The following DLGAP1 variants were observed in gnomAD, a reference collection of about 807,000 sequenced individuals.
DLGAP1 encodes disks large-associated protein 1.
A neutral mutation model predicts 90.8 loss-of-function variants in DLGAP1; 11 were observed. The observed-to-expected ratio is 0.12, with a 90% CI of 0.08 to 0.20. The LOEUF is 0.20. DLGAP1 is among the 10% of genes least tolerant of loss of function. The pLI is 1.00. For missense variants in DLGAP1, 1,050 were observed against 1,333.8 expected (o/e 0.79, Z 3.31); for synonymous variants, 558 against 540.7 (o/e 1.03, Z -0.44).
chr18:4,165,935 T>C (rs76951854), intron 1 of DLGAP1, among the ~76,000 whole-genome samples: 102 of 152,260 alleles, frequency 6.7e-4, no homozygotes, highest in African/African-American at 2.4e-3. Flanking sequence ...GGTGAGAGGA[T>C]GGCTTGAGGA....
At chr18:3,773,765 C>T (rs1410559608) in intron 5 of DLGAP1, among the ~76,000 whole-genome samples, 1 of 152,124 alleles carries the variant, frequency 6.6e-6, no homozygotes, top group Non-Finnish European at 1.5e-5. Context: ...TCACTGTGTT[C>T]TGGGAGCACG....
At chr18:4,009,514 T>A (rs2074376013) in intron 2 of DLGAP1, among the ~76,000 whole-genome samples, 1 of 152,202 alleles carries the variant, frequency 6.6e-6, no homozygotes, top group African/African-American at 2.4e-5. Flanking sequence ...TCCTAGATAC[T>A]GGAGATAGAG....
intron 2 of DLGAP1, among the ~76,000 whole-genome samples, chr18:4,009,005 G>A (rs965027197): frequency 4.6e-5 from 7 of 152,258 alleles, no homozygotes; most frequent in African/African-American, 1.7e-4. Flanking sequence ...CCGGGTTCAC[G>A]CCGTTCTCCT....
chr18:4,271,591 C>A (rs1023519991), intron 1 of DLGAP1, among the ~76,000 whole-genome samples: 2 of 152,076 alleles, frequency 1.3e-5, no homozygotes, highest in Non-Finnish European at 2.9e-5. Context: ...ATTATTTAAT[C>A]TTTTCTTGAT....
chr18:3,988,108 C>T (rs1051729921), intron 3 of DLGAP1, among the ~76,000 whole-genome samples: 4 of 151,878 alleles, frequency 2.6e-5, no homozygotes, highest in African/African-American at 4.8e-5. Context: ...CTAGATGGTC[C>T]CATCTGGGGG....
chr18:4,011,668 A>G (rs959759066), intron 2 of DLGAP1, among the ~76,000 whole-genome samples: 1 of 151,954 alleles, frequency 6.6e-6, no homozygotes, highest in Non-Finnish European at 1.5e-5. Context: ...AAATAAAAAT[A>G]AAAAAATTAG....
intron 2 of DLGAP1, among the ~76,000 whole-genome samples, chr18:4,007,654 T>TCAAA (rs58276911): frequency 0.034 from 5,108 of 151,792 alleles, 242 homozygotes; most frequent in African/African-American, 0.11. Context: ...AGGCTCCATC[T>TCAAA]CAAACAAACA....
At chr18:3,601,178 C>T (rs1206261133) in intron 7 of DLGAP1, among the ~76,000 whole-genome samples, 1 of 151,762 alleles carries the variant, frequency 6.6e-6, no homozygotes, top group Non-Finnish European at 1.5e-5. Context: ...CCTCCACTTC[C>T]CGGGCTAAAG....
chr18:3,841,265 T>C (rs2068700588), intron 4 of DLGAP1, among the ~76,000 whole-genome samples: 1 of 152,028 alleles, frequency 6.6e-6, no homozygotes, highest in African/African-American at 2.4e-5. Flanking sequence ...GAAACAGAAA[T>C]GTAAGGCCCA....
chr18:3,767,625 AT>A, intron 5 of DLGAP1, among the ~76,000 whole-genome samples: 1 of 152,110 alleles, frequency 6.6e-6, no homozygotes. Flanking sequence ...ATATCTGAAC[AT>A]TAATGTAATC....
At chr18:3,789,164 C>T (rs2065602697) in intron 5 of DLGAP1, among the ~76,000 whole-genome samples, 1 of 152,228 alleles carries the variant, frequency 6.6e-6, no homozygotes. Flanking sequence ...ACGAACAGTT[C>T]TGACACAGTG....
chr18:3,838,255 A>C (rs1319051225), intron 4 of DLGAP1, among the ~76,000 whole-genome samples: 2 of 152,218 alleles, frequency 1.3e-5, no homozygotes, highest in Non-Finnish European at 2.9e-5. Context: ...GAGCTAAGGA[A>C]ATATCAAAAT....
At chr18:4,087,527 T>C (rs2075704649) in intron 2 of DLGAP1, among the ~76,000 whole-genome samples, 1 of 152,202 alleles carries the variant, frequency 6.6e-6, no homozygotes, top group African/African-American at 2.4e-5. Context: ...TTAGTAAATC[T>C]TATGACTGGC....
intron 4 of DLGAP1, among the ~76,000 whole-genome samples, chr18:3,870,416 A>G (rs1220052375): frequency 6.6e-6 from 1 of 152,158 alleles, no homozygotes; most frequent in Non-Finnish European, 1.5e-5. Flanking sequence ...ATCCTTTCCA[A>G]TCACTTACTT....
rs2081202793 is a variant in DLGAP1, at chr18:4,342,098, T to A, written c.-267+112908A>T. On this transcript the variant is annotated intron_variant, in intron 1 of 12. Coordinates refer to ENST00000315677, the MANE Select transcript of DLGAP1 (RefSeq NM_004746.4). The surrounding 1 kb of genome is among the most constrained non-coding windows in gnomAD (Gnocchi z 5.8). ...CGGTGAACACTAAATAAATGTTCCTTCCCTTCCCAAATCCATAGAATTTTA... is the reference window on the plus strand; with the variant it reads ...CGGTGAACACTAAATAAATGTTCCTACCCTTCCCAAATCCATAGAATTTTA... Among the ~76,000 whole-genome samples the A allele has an allele frequency of 1.3e-5, 2 of 152,028 alleles. No individual in the cohort carries two copies.
At chr18:4,208,951 C>T (rs145619877) in intron 1 of DLGAP1, among the ~76,000 whole-genome samples, 1,664 of 152,248 alleles carry the variant, frequency 0.011, 14 homozygotes, top group South Asian at 0.018. Flanking sequence ...AGAGCTCCCA[C>T]GTGACCACAA....
At chr18:3,813,981 C>G in intron 5 of DLGAP1, 78 bp downstream of exon 5, 2 of 1,446,762 alleles carry the variant, frequency 1.4e-6, no homozygotes, top group Non-Finnish European at 1.9e-6. Flanking sequence ...CCCACTTACT[C>G]TAGGAGACAC....
intron 2 of DLGAP1, among the ~76,000 whole-genome samples, chr18:4,092,348 T>A (rs373869953): frequency 8.5e-5 from 13 of 152,248 alleles, no homozygotes; most frequent in African/African-American, 3.1e-4. Flanking sequence ...GGCCCCCCAA[T>A]AGTCTTAGGG....
At chr18:3,987,959 G>A (rs1392624848) in intron 3 of DLGAP1, among the ~76,000 whole-genome samples, 1 of 152,142 alleles carries the variant, frequency 6.6e-6, no homozygotes. Flanking sequence ...CAGGGCGGGG[G>A]ATGGTTTCGG....
Sources: allele counts gnomAD v4.1 joint callset (sites outside exome capture counted in the v4.1 genomes callset), GRCh38; gene constraint gnomAD v4.1.1; non-coding constraint Gnocchi (gnomAD v3.1); transcripts MANE v1.5; gene names NCBI Gene and HGNC (gene_info 2026-07-23, HGNC 2026-07-21).